The following CLVS1 variants were observed in gnomAD, a reference collection of about 807,000 sequenced individuals.
CLVS1 encodes the protein clavesin-1.
CLVS1 carries 10 observed loss-of-function variants against 33.1 expected under a neutral mutation model. That is an observed-to-expected ratio of 0.30 (90% CI 0.19 to 0.51). CLVS1 has a LOEUF of 0.51. CLVS1 is among the 20% of genes least tolerant of loss of function. The pLI, the probability that CLVS1 is intolerant of heterozygous loss-of-function variation, is 0.97. For synonymous variants in CLVS1, 163 were observed against 166.1 expected (o/e 0.98, Z 0.14); for missense variants, 343 against 433.4 (o/e 0.79, Z 1.85).
At chr8:61,257,271 T>C (rs1042394867) in intron 2 of CLVS1, among the ~76,000 whole-genome samples, 2 of 152,260 alleles carry the variant, frequency 1.3e-5, no homozygotes, top group Non-Finnish European at 2.9e-5. Context: ...TCCCTTTTGC[T>C]GTTCTGTCAC....
chr8:61,117,040 A>C (rs1805738834), intron 1 of CLVS1, among the ~76,000 whole-genome samples: 2 of 125,574 alleles, frequency 1.6e-5, no homozygotes, highest in Non-Finnish European at 3.3e-5. Flanking sequence ...ATCCTCTTTT[A>C]TTTCCTTGAG....
chr8:61,273,849 G>C (rs945509371), intron 2 of CLVS1: 32 of 154,650 alleles, frequency 2.1e-4, no homozygotes, highest in African/African-American at 6.0e-4. Context: ...CCTGCTTCGG[G>C]TCGCGCACGG....
intron 3 of CLVS1, among the ~76,000 whole-genome samples, chr8:61,406,517 T>A (rs1276418871): frequency 6.6e-6 from 1 of 152,036 alleles, no homozygotes; most frequent in African/African-American, 2.4e-5. Context: ...AAGGCAAAAA[T>A]ATTTAATGTA....
In CLVS1 at chr8:61,080,463, G is replaced by A. The variant is rs189288071; in HGVS notation, c.-243+23233G>A. On this transcript the variant is annotated intron_variant, in intron 1 of 2. Transcript: ENST00000522621. Reference sequence around the variant, plus strand: ...GAATCCCCCTTTAACAATAAAGGGCGATTTTAAAACAACTATGAAAATCTC... The same window carrying A: ...GAATCCCCCTTTAACAATAAAGGGCAATTTTAAAACAACTATGAAAATCTC... Among the ~76,000 whole-genome samples, 213 of 152,284 alleles carry A rather than the reference G, an allele frequency of 1.4e-3. 1 individual carries two copies. The highest frequency in any genetic ancestry group is 4.7e-3 in the African/African-American group (196 of 41,560).
At chr8:61,325,891 C>G (rs1381466727) in intron 2 of CLVS1, among the ~76,000 whole-genome samples, 2 of 152,190 alleles carry the variant, frequency 1.3e-5, no homozygotes, top group Non-Finnish European at 2.9e-5. Context: ...CTCACCCTAA[C>G]ATAATTTATC....
At chr8:61,284,850 T>A (rs1809743972), upstream of CLVS1, among the ~76,000 whole-genome samples, 1 of 152,172 alleles carries the variant, frequency 6.6e-6, no homozygotes, top group African/African-American at 2.4e-5. Flanking sequence ...GTTTAGAATG[T>A]CTCAAAGAAG....
chr8:61,336,811 T>C (rs987135703), intron 2 of CLVS1, among the ~76,000 whole-genome samples: 1 of 151,980 alleles, frequency 6.6e-6, no homozygotes, highest in Non-Finnish European at 1.5e-5. Context: ...GTGGTGCAAA[T>C]ATAGGTATCT....
chr8:61,297,140 G>A (rs113835834), intron 1 of CLVS1, among the ~76,000 whole-genome samples: 2,006 of 152,292 alleles, frequency 0.013, 18 homozygotes, highest in Non-Finnish European at 0.021. Flanking sequence ...TAAATCTGGA[G>A]AGTAAAGAGA....
chr8:61,082,028 A>G (rs975008038), intron 1 of CLVS1, among the ~76,000 whole-genome samples: 1 of 152,252 alleles, frequency 6.6e-6, no homozygotes, highest in Non-Finnish European at 1.5e-5. Context: ...TGGAAATTCA[A>G]GACAATTAAT....
Position 61,135,716 on chromosome 8 carries a change from C to A in CLVS1, c.-152+3856C>A, listed in dbSNP as rs371554464. On this transcript the variant is annotated intron_variant, in intron 2 of 2. Transcript: ENST00000522621. ...GAGCCTGGCTTTCTGTCACTTGAGCCATATGAATCCTATCTGATCTGGGGG... is the reference window on the plus strand; with the variant it reads ...GAGCCTGGCTTTCTGTCACTTGAGCAATATGAATCCTATCTGATCTGGGGG... Among the ~76,000 whole-genome samples the A allele has an allele frequency of 7.2e-5, 11 of 152,304 alleles. No individual in the cohort carries two copies. In the East Asian group the frequency reaches 9.6e-4, roughly 13 times the overall value.
intron 1 of CLVS1, among the ~76,000 whole-genome samples, chr8:61,105,384 C>G (rs908557441): frequency 6.6e-6 from 1 of 152,230 alleles, no homozygotes; most frequent in Admixed American, 6.5e-5. Flanking sequence ...TTCTCTGACC[C>G]CAGGTTCTTT....
intron 5 of CLVS1, among the ~76,000 whole-genome samples, chr8:61,494,830 A>G (rs1335274765): frequency 6.6e-6 from 1 of 152,242 alleles, no homozygotes; most frequent in Non-Finnish European, 1.5e-5. Context: ...ACTTCATAAC[A>G]TAATGTGCTA....
At chr8:61,139,264 C>T (rs970740639) in intron 2 of CLVS1, among the ~76,000 whole-genome samples, 2 of 152,174 alleles carry the variant, frequency 1.3e-5, no homozygotes, top group South Asian at 4.1e-4. Flanking sequence ...GCGGGGGCAG[C>T]GGAACCGCAG....
intron 3 of CLVS1, among the ~76,000 whole-genome samples, chr8:61,432,853 A>G (rs534029717): frequency 3.9e-5 from 6 of 152,346 alleles, no homozygotes; most frequent in Admixed American, 3.9e-4. Flanking sequence ...CACAAGCCGC[A>G]GTAGGATCTG....
At chr8:61,059,668 G>A (rs769026763) in intron 1 of CLVS1, among the ~76,000 whole-genome samples, 2 of 150,988 alleles carry the variant, frequency 1.3e-5, no homozygotes, top group East Asian at 1.9e-4. Context: ...AAAATTAGCC[G>A]GATGTGGTGA....
chr8:61,472,862 T>G (rs143281820), intron 5 of CLVS1, among the ~76,000 whole-genome samples: 1 of 152,206 alleles, frequency 6.6e-6, no homozygotes, highest in African/African-American at 2.4e-5. Flanking sequence ...TATTGTGCTG[T>G]GAGGATTAAA....
At chr8:61,359,354 C>CT (rs111320505) in intron 2 of CLVS1, among the ~76,000 whole-genome samples, 219 of 147,802 alleles carry the variant, frequency 1.5e-3, no homozygotes, top group African/African-American at 3.6e-3. Flanking sequence ...CTAGAAAAGA[C>CT]TTTTTTTTTT....
chr8:61,059,352 A>T (rs532513144), intron 1 of CLVS1, among the ~76,000 whole-genome samples: 3 of 150,878 alleles, frequency 2.0e-5, no homozygotes, highest in Non-Finnish European at 4.4e-5. Flanking sequence ...TATAAGTTCA[A>T]ATCTGTCCAC....
chr8:61,395,056 C>T (rs193243770), intron 3 of CLVS1, among the ~76,000 whole-genome samples: 152 of 152,168 alleles, frequency 1.0e-3, no homozygotes, highest in Admixed American at 2.6e-3. Flanking sequence ...TGCTTGAGTT[C>T]CTTATATATT....
Sources: gnomAD v4.1 joint callset for allele counts (sites outside exome capture counted in the v4.1 genomes callset) on GRCh38, gnomAD v4.1.1 for gene constraint, MANE v1.5 for transcripts, NCBI Gene and HGNC (gene_info 2026-07-23, HGNC 2026-07-21) for gene names.